The following LYST variants were observed in gnomAD, a reference collection of about 807,000 sequenced individuals.
LYST encodes lysosomal trafficking regulator, also known as lysosomal-trafficking regulator.
LYST carries 192 observed loss-of-function variants against 413.6 expected under a neutral mutation model. The observed-to-expected ratio is 0.46, with a 90% CI of 0.41 to 0.52. The LOEUF (loss-of-function observed/expected upper bound fraction) is 0.52, where lower values mean the gene tolerates loss of function less well. Among genes scored for constraint, LYST ranks in the 20% least tolerant of loss-of-function variants. The probability of loss-of-function intolerance (pLI) is 0.00; values close to 1 mark genes in which losing one functional copy is unlikely to be tolerated. For synonymous variants in LYST, 1,525 were observed against 1,567.3 expected (o/e 0.97, Z 0.64); for missense variants, 3,815 against 4,499.9 (o/e 0.85, Z 4.35).
intron 42 of LYST, among the ~76,000 whole-genome samples, chr1:235,714,647 A>G (rs1391765616): frequency 6.6e-6 from 1 of 152,232 alleles, no homozygotes; most frequent in East Asian, 1.9e-4. Flanking sequence ...AATCTCCACA[A>G]AAATACAAAT....
rs114501043 is a variant in LYST at position 235,732,201 on chromosome 1, T to C, written c.8802-1024A>G. 6.3e-3 allele frequency among the ~76,000 whole-genome samples: 958 copies of C among 152,330 alleles called. 9 individuals are homozygous for C. The highest frequency in any genetic ancestry group is 0.022 in the African/African-American group (904 of 41,566). On this transcript the variant is annotated intron_variant, in intron 34 of 52. Coordinates refer to ENST00000389793, the MANE Select transcript of LYST (RefSeq NM_000081.4). ...TTTGAATGGCTGCCCAATAAAGAGG[T>C]AGATGCATTGTAATGTATTTAACCA...
At chr1:235,875,592 C>A (rs546776850) in intron 1 of LYST, among the ~76,000 whole-genome samples, 50 of 152,328 alleles carry the variant, frequency 3.3e-4, no homozygotes, top group African/African-American at 1.1e-3. Flanking sequence ...CTGCCCCACA[C>A]AACTGCTTGG....
chr1:235,765,216 C>G (rs991222028), intron 21 of LYST, among the ~76,000 whole-genome samples: 1 of 152,064 alleles, frequency 6.6e-6, no homozygotes, highest in African/African-American at 2.4e-5. Context: ...ATTATACAAC[C>G]AAAGCCATTA....
Position 235,810,498 on chromosome 1 carries a change from G to T in LYST, c.320C>A (p.Thr107Asn), listed in dbSNP as rs750083768. The T allele has an allele frequency of 6.2e-7, 1 of 1,612,180 alleles. No homozygotes were observed. Among genetic ancestry groups the T allele is most frequent in the South Asian group, 1.1e-5 (1 of 90,800 alleles). The change falls in exon 5 of 53, where the codon ACC becomes AAC. Residue 107 changes from threonine (T) to asparagine (N), a missense_variant. This residue lies in a region of LYST where 1,648 missense variants were observed against 1,810.3 expected (regional missense o/e 0.91). Coordinates refer to ENST00000389793, the MANE Select transcript of LYST (RefSeq NM_000081.4). ...NLPLSADIIL[T>N]KEKNSSSQRS... ...TTGTGAACTTGAGTTCTTTTCTTTG[G>T]TCAGGATTATATCTGCTGAGAGCGG... is the stretch of plus-strand genomic sequence containing the variant.
At chr1:235,690,284 TA>T (rs1660546746) in intron 47 of LYST, among the ~76,000 whole-genome samples, 1 of 152,228 alleles carries the variant, frequency 6.6e-6, no homozygotes, top group African/African-American at 2.4e-5. Context: ...CCACTGTACA[TA>T]TTTGTCTGTT....
At chr1:235,829,897 T>C (rs1675757898) in intron 3 of LYST, 1 of 181,910 alleles carries the variant, frequency 5.5e-6, no homozygotes, top group African/African-American at 2.4e-5. Context: ...ATTCATCATG[T>C]TTCTGACATA....
At chr1:235,755,398 G>GAAAAC in intron 25 of LYST, 80 bp downstream of exon 25, 2 of 1,021,380 alleles carry the variant, frequency 2.0e-6, no homozygotes, top group Non-Finnish European at 2.8e-6. Flanking sequence ...CAAAAGAAAA[G>GAAAAC]AAAAGAAAAG....
At chr1:235,835,700 G>T (rs902735851) in intron 1 of LYST, among the ~76,000 whole-genome samples, 1 of 151,942 alleles carries the variant, frequency 6.6e-6, no homozygotes, top group Non-Finnish European at 1.5e-5. Flanking sequence ...TATCATTCTA[G>T]GTGTCCAGAA....
chr1:235,712,599 G>T, intron 42 of LYST: 1 of 984,122 alleles, frequency 1.0e-6, no homozygotes. Flanking sequence ...AGTTCAAGTA[G>T]GCAAACAGTT....
At chr1:235,704,064 C>G (rs560231792) in intron 44 of LYST, among the ~76,000 whole-genome samples, 1 of 152,256 alleles carries the variant, frequency 6.6e-6, no homozygotes, top group South Asian at 2.1e-4. Flanking sequence ...GCTCCATACA[C>G]GTTCCAACAA....
In LYST at chr1:235,762,912, A is replaced by T. The variant is rs1667736127; in HGVS notation, c.6122-61T>A. On this transcript the variant is annotated intron_variant, in intron 21 of 52. Coordinates refer to ENST00000389793, the MANE Select transcript of LYST (RefSeq NM_000081.4). ...TTAAAAAGGATAAAACGAAAATATA[A>T]CTTTAAAAGCAGATCATTAAATTCA... 8.8e-6 allele frequency: 11 copies of T among 1,251,150 alleles called. 1 individual carries two copies. In the South Asian group the frequency reaches 1.4e-4, roughly 15 times the overall value. The allele number at this position is 1,251,150 out of a possible 1,614,324, so 77.5% of individuals were successfully genotyped here. A position where few individuals can be genotyped will look rare whatever the true frequency, so the allele number is the denominator to read the frequency against.
chr1:235,676,651 C>A (rs1659403039), intron 50 of LYST, among the ~76,000 whole-genome samples: 1 of 152,134 alleles, frequency 6.6e-6, no homozygotes, highest in South Asian at 2.1e-4. Flanking sequence ...AGATGGAATG[C>A]TGCCTGATTC....
At chr1:235,741,327 G>A (rs1644588274) in intron 31 of LYST, 95 bp downstream of exon 31, 11 of 1,059,340 alleles carry the variant, frequency 1.0e-5, no homozygotes, top group Non-Finnish European at 1.3e-5. Context: ...TTATAAATTA[G>A]GCATGAACAT....
In LYST at chr1:235,753,048, T is replaced by G; in HGVS notation, c.7456A>C (p.Lys2486Gln). ...NTVAALNGLE[K>Q]NIPMSEYKLL... ...AAATAATAATTTTAAACTTACTTCT[T>G]TTCTAATCCATTCAGGGCTGCTACT... The change falls in exon 26 of 53, where the codon AAG becomes CAG. Residue 2486 changes from lysine to glutamine, a missense_variant. Around this residue, in one of 4 missense-constraint regions of LYST, gnomAD observed 771 missense variants for 837.1 expected, o/e 0.92. Coordinates refer to ENST00000389793, the MANE Select transcript of LYST (RefSeq NM_000081.4). 6.7e-7 allele frequency: 1 copy of G among 1,495,114 alleles called. No individual in the cohort carries two copies. Among genetic ancestry groups the G allele is most frequent in the Non-Finnish European group, 9.3e-7 (1 of 1,072,934 alleles). 92.6% of individuals were successfully genotyped at this position (1,495,114 alleles called of 1,614,324 possible).
In LYST at chr1:235,767,291, T is replaced by G. The variant is rs116741122; in HGVS notation, c.5923-1014A>C. Reference sequence around the variant, plus strand: ...CTCTTCATTTACTCTTGGGTATTACTGAATTGGAGTACTTAAAATGTAGAT... The same window carrying G: ...CTCTTCATTTACTCTTGGGTATTACGGAATTGGAGTACTTAAAATGTAGAT... On this transcript the variant is annotated intron_variant, in intron 20 of 52. Transcript: ENST00000389793. Among the ~76,000 whole-genome samples the G allele has an allele frequency of 5.1e-3, 773 of 152,258 alleles. 9 individuals carry two copies. The highest frequency in any genetic ancestry group is 0.017 in the African/African-American group (718 of 41,582).
chr1:235,736,260 C>A (rs377628490), intron 31 of LYST: 2 of 151,938 alleles, frequency 1.3e-5, no homozygotes, highest in Admixed American at 6.6e-5. Flanking sequence ...AAACATGAAT[C>A]CTTAGAAAAT....
intron 1 of LYST, among the ~76,000 whole-genome samples, chr1:235,852,495 A>C (rs1481428795): frequency 6.6e-6 from 1 of 152,218 alleles, no homozygotes; most frequent in Admixed American, 6.5e-5. Context: ...GGGAAGTCTC[A>C]CAATGCAACA....
At chr1:235,848,998 C>A (rs1304308292) in intron 1 of LYST, among the ~76,000 whole-genome samples, 1 of 152,026 alleles carries the variant, frequency 6.6e-6, no homozygotes, top group African/African-American at 2.4e-5. Flanking sequence ...AAGAGGGAAC[C>A]CTACCTAATT....
chr1:235,679,854 G>A (rs1659672486), intron 48 of LYST, among the ~76,000 whole-genome samples: 1 of 152,138 alleles, frequency 6.6e-6, no homozygotes, highest in Non-Finnish European at 1.5e-5. Flanking sequence ...TTCTTCCACA[G>A]AGGCTGTCCA....
Sources: allele counts gnomAD v4.1 joint callset (sites outside exome capture counted in the v4.1 genomes callset), GRCh38; gene constraint gnomAD v4.1.1; regional missense constraint gnomAD v4.1.1; transcripts MANE v1.5; gene names NCBI Gene and HGNC (gene_info 2026-07-23, HGNC 2026-07-21).